The following ATF6 variants were observed in gnomAD, a reference collection of about 807,000 sequenced individuals.
ATF6 encodes cyclic AMP-dependent transcription factor ATF-6 alpha.
In ATF6, 53 loss-of-function variants were observed where a neutral mutation model predicts 83.6. The observed-to-expected ratio is 0.63, with a 90% confidence interval of 0.51 to 0.80. The LOEUF (loss-of-function observed/expected upper bound fraction) is 0.80. Ranked by LOEUF, ATF6 falls within the 30% of genes least tolerant of loss-of-function variation. The pLI is 0.00. For missense variants in ATF6, 744 were observed against 797.9 expected, an observed-to-expected ratio of 0.93 and a Z score of 0.81; for synonymous variants, 288 against 285.8, an observed-to-expected ratio of 1.01 and a Z score of -0.08.
In ATF6 at chr1:161,838,420, T is replaced by C. The variant is rs536485453; in HGVS notation, c.1188-8029T>C. 2.0e-5 allele frequency among the ~76,000 whole-genome samples: 3 copies of C among 152,254 alleles called. No individual in the cohort carries two copies. The East Asian group carries it at 5.8e-4, about 29-fold the overall frequency. On this transcript the variant is annotated intron_variant, in intron 9 of 15. Coordinates refer to ENST00000367942, the MANE Select transcript of ATF6 (RefSeq NM_007348.4). ...TATTTTGGTAAAGAAATCTGCAAATTGGGCAGAGTTCAGGACAGACAGTTC... is the reference window on the plus strand; with the variant it reads ...TATTTTGGTAAAGAAATCTGCAAATCGGGCAGAGTTCAGGACAGACAGTTC...
intron 3 of ATF6, among the ~76,000 whole-genome samples, chr1:161,783,761 C>T (rs966481267): frequency 6.6e-6 from 1 of 151,708 alleles, no homozygotes; most frequent in African/African-American, 2.4e-5. Context: ...CACACACACA[C>T]AGACATACAT....
chr1:161,784,133 A>T (rs1196919167), intron 4 of ATF6, 37 bp downstream of exon 4: 1 of 1,436,322 alleles, frequency 7.0e-7, no homozygotes, highest in African/African-American at 1.4e-5. Context: ...TTTGGTTATA[A>T]TATGCTATCT....
At chr1:161,909,470 TC>T (rs1219358287) in intron 14 of ATF6, among the ~76,000 whole-genome samples, 1 of 151,798 alleles carries the variant, frequency 6.6e-6, no homozygotes, top group African/African-American at 2.4e-5. Context: ...ATATCACAAG[TC>T]CTGTTGCTAT....
intron 15 of ATF6, among the ~76,000 whole-genome samples, chr1:161,923,609 T>C (rs1688256499): frequency 6.6e-6 from 1 of 152,232 alleles, no homozygotes; most frequent in African/African-American, 2.4e-5. Flanking sequence ...AGAATGATTA[T>C]TGTGTTGATG....
chr1:161,945,409 C>A (rs1215434811), intron 15 of ATF6, among the ~76,000 whole-genome samples: 2 of 152,162 alleles, frequency 1.3e-5, no homozygotes, highest in Non-Finnish European at 2.9e-5. Context: ...GGGTTAAAGG[C>A]AGTTCTATTA....
intron 15 of ATF6, among the ~76,000 whole-genome samples, chr1:161,941,823 G>C (rs1045978182): frequency 1.3e-5 from 2 of 152,158 alleles, no homozygotes; most frequent in African/African-American, 4.8e-5. Context: ...CTTAAAGAAA[G>C]TTTAGTCCTT....
At chr1:161,801,463 T>A (rs1047902864) in intron 6 of ATF6, among the ~76,000 whole-genome samples, 16 of 150,152 alleles carry the variant, frequency 1.1e-4, no homozygotes, top group Admixed American at 2.7e-4. Context: ...GGCTAATTTT[T>A]AAATTTTTTT....
intron 1 of ATF6, among the ~76,000 whole-genome samples, chr1:161,773,808 T>C (rs1240870028): frequency 6.6e-6 from 1 of 152,248 alleles, no homozygotes; most frequent in Non-Finnish European, 1.5e-5. Context: ...TTTAGGATAC[T>C]TTGGGGTAAC....
intron 9 of ATF6, among the ~76,000 whole-genome samples, chr1:161,829,602 C>T (rs1424504463): frequency 6.6e-6 from 1 of 152,024 alleles, no homozygotes; most frequent in Non-Finnish European, 1.5e-5. Flanking sequence ...AAAGCTTATC[C>T]ACCATGATCA....
chr1:161,943,090 G>A (rs893590755), intron 15 of ATF6, among the ~76,000 whole-genome samples: 77 of 152,222 alleles, frequency 5.1e-4, no homozygotes, highest in African/African-American at 1.5e-3. Flanking sequence ...TCCTGACCTC[G>A]TGATCCGCCC....
intron 9 of ATF6, among the ~76,000 whole-genome samples, chr1:161,833,827 A>G (rs1686138855): frequency 6.6e-6 from 1 of 152,186 alleles, no homozygotes; most frequent in Non-Finnish European, 1.5e-5. Context: ...GTTGGAAAAC[A>G]CTCTGCAGGA....
rs955523782 is a variant in ATF6 at position 161,912,159 on chromosome 1, A to G, written c.1720-137A>G. ...ATGATTCTAAGCTGGTTTGTAGTTA[A>G]TTAAGCCAACTTCAAATAAAAACTA... is the stretch of plus-strand genomic sequence containing the variant. On this transcript the variant is annotated intron_variant, in intron 14 of 15. Coordinates refer to ENST00000367942, the MANE Select transcript of ATF6 (RefSeq NM_007348.4). 1.1e-5 allele frequency: 6 copies of G among 540,726 alleles called. No individual in the cohort carries two copies. In the South Asian group the frequency reaches 1.5e-4, roughly 13 times the overall value. The allele number at this position is 540,726 out of a possible 1,614,324, so 33.5% of individuals were successfully genotyped here.
At chr1:161,829,401 A>G (rs889656617) in intron 9 of ATF6, among the ~76,000 whole-genome samples, 2 of 152,010 alleles carry the variant, frequency 1.3e-5, no homozygotes, top group African/African-American at 4.8e-5. Context: ...CTCTGCACCA[A>G]GCAGACCTAA....
intron 15 of ATF6, among the ~76,000 whole-genome samples, chr1:161,944,414 C>T (rs1242363999): frequency 6.6e-6 from 1 of 152,186 alleles, no homozygotes; most frequent in Non-Finnish European, 1.5e-5. Context: ...GAGCTCTTCA[C>T]AGCTCTAATC....
At chr1:161,891,540 G>A (rs972885583) in intron 14 of ATF6, 16 of 152,222 alleles carry the variant, frequency 1.1e-4, no homozygotes, top group African/African-American at 3.6e-4. Context: ...TGTAGCAGAG[G>A]TCGACGAAAA....
intron 15 of ATF6, among the ~76,000 whole-genome samples, chr1:161,952,681 T>TA (rs1688889866): frequency 6.6e-6 from 1 of 151,160 alleles, no homozygotes; most frequent in Admixed American, 6.7e-5. Flanking sequence ...ATATATATAA[T>TA]ATATCATAAT....
intron 15 of ATF6, among the ~76,000 whole-genome samples, chr1:161,917,258 A>G (rs1316629950): frequency 1.3e-5 from 2 of 152,192 alleles, no homozygotes; most frequent in African/African-American, 4.8e-5. Context: ...GACAAAATGC[A>G]TGGGACCAGA....
At chr1:161,900,438 G>A (rs1001531578) in intron 14 of ATF6, among the ~76,000 whole-genome samples, 2 of 152,074 alleles carry the variant, frequency 1.3e-5, no homozygotes, top group Admixed American at 6.5e-5. Flanking sequence ...CAATTTTTAC[G>A]AGCCTGCTGA....
intron 6 of ATF6, among the ~76,000 whole-genome samples, chr1:161,801,101 GTTTTGGATTTTGGAGCA>G (rs1243890299): frequency 1.3e-5 from 2 of 152,118 alleles, no homozygotes; most frequent in African/African-American, 4.8e-5. Context: ...CACTCAAAAA[GTTTTGGATTTTGGAGCA>G]TTTTGGATTT....
Sources: gnomAD v4.1 joint callset for allele counts (sites outside exome capture counted in the v4.1 genomes callset) on GRCh38, gnomAD v4.1.1 for gene constraint, MANE v1.5 for transcripts, NCBI Gene and HGNC (gene_info 2026-07-23, HGNC 2026-07-21) for gene names.